Variants in NBEAL1 observed in about 807,000 individuals in gnomAD.
NBEAL1 encodes the protein neurobeachin-like protein 1.
Under a neutral mutation model 351.3 loss-of-function variants are expected in NBEAL1, and 273 were observed. The ratio of observed to expected loss-of-function variants is 0.78; its 90% confidence interval spans 0.70 to 0.86. The LOEUF (loss-of-function observed/expected upper bound fraction) is 0.86. Among genes scored for constraint, NBEAL1 ranks in the 40% least tolerant of loss-of-function variants. NBEAL1 has a pLI of 0.00. For synonymous variants in NBEAL1, 1,050 were observed against 1,086.4 expected (o/e 0.97, Z 0.66); for missense variants, 2,961 against 3,201.3 (o/e 0.92, Z 1.81).
At chr2:203,131,843 C>A in intron 25 of NBEAL1, 130 bp from the exon 26 acceptor site, 1 of 591,544 alleles carries the variant, frequency 1.7e-6, no homozygotes, top group Non-Finnish European at 2.7e-6. Context: ...GCAATACTTA[C>A]TAACATTAAA....
rs1182921967 is a variant in NBEAL1 at position 203,084,508 on chromosome 2, A to G, written c.1037A>G (p.Gln346Arg). 2 of 1,545,170 alleles carry G rather than the reference A, an allele frequency of 1.3e-6. No homozygotes were observed. Residue 346 changes from glutamine (Q) to arginine (R), a missense_variant, in exon 10 of 56, where the codon CAG (glutamine) becomes CGG (arginine). Gln to Arg is a conservative substitution (Grantham distance 43, BLOSUM62 1). Transcript: ENST00000683969. ...GATTGTACAGATAGACCTGTTCTTC[A>G]GGCCATTTTTCTTAACAGCAATTGC... ...MLDCTDRPVL[Q>R]AIFLNSNCFE... is the part of the protein sequence containing the mutation.
intron 38 of NBEAL1, among the ~76,000 whole-genome samples, chr2:203,169,263 G>A (rs1424648193): frequency 6.6e-6 from 1 of 151,904 alleles, no homozygotes; most frequent in Non-Finnish European, 1.5e-5. Flanking sequence ...ATTAATAATT[G>A]TCAGGGAATG....
intron 8 of NBEAL1, among the ~76,000 whole-genome samples, chr2:203,079,790 G>A (rs111644468): frequency 4.0e-4 from 61 of 152,216 alleles, no homozygotes; most frequent in African/African-American, 1.4e-3. Flanking sequence ...TTGGCATTTA[G>A]GAGGAAATCC....
intron 2 of NBEAL1, among the ~76,000 whole-genome samples, chr2:203,025,897 A>G (rs2060848839): frequency 6.6e-6 from 1 of 151,026 alleles, no homozygotes; most frequent in African/African-American, 2.4e-5. Flanking sequence ...TTTTTATCCC[A>G]TCATTTTCCT....
rs1276735945 is a variant in NBEAL1, at chr2:203,218,692, A to G, written c.*1338A>G. ...AATCTTAGAGAAATTTTTCTTTTGCAATTTCGCTTTCCTGTTGACCACAGT... is the reference window on the plus strand; with the variant it reads ...AATCTTAGAGAAATTTTTCTTTTGCGATTTCGCTTTCCTGTTGACCACAGT... On this transcript the variant is annotated 3_prime_UTR_variant, in exon 56 of 56. Transcript: ENST00000683969. 1 of 152,122 alleles carries G rather than the reference A, an allele frequency of 6.6e-6. No homozygotes were observed. Among genetic ancestry groups the G allele is most frequent in the Non-Finnish European group, 1.5e-5 (1 of 67,994 alleles). The allele number at this position is 152,122 out of a possible 1,614,324, so 9.4% of individuals were successfully genotyped here.
chr2:203,108,744 AAGG>A (rs1340928691), intron 14 of NBEAL1, among the ~76,000 whole-genome samples: 1 of 152,168 alleles, frequency 6.6e-6, no homozygotes, highest in African/African-American at 2.4e-5. Flanking sequence ...TGAAAGGAAA[AAGG>A]AGTAATAACC....
chr2:203,182,015 TC>T (rs985309468), intron 43 of NBEAL1: 5 of 152,196 alleles, frequency 3.3e-5, no homozygotes, highest in African/African-American at 1.2e-4. Flanking sequence ...ATACATTGCC[TC>T]TTTGAAATGA....
chr2:203,068,449 C>T lies in NBEAL1; in HGVS notation c.572C>T (p.Thr191Ile). 2 of 1,546,662 alleles carry T rather than the reference C, an allele frequency of 1.3e-6. No individual in the cohort carries two copies. Among genetic ancestry groups the T allele is most frequent in the Non-Finnish European group, 1.7e-6 (2 of 1,143,450 alleles). The part of the protein sequence containing the change: ...SRQKYKPASL[T>I]VEFVPFFYQC... Reference sequence around the variant, plus strand: ...CAGAAATATAAACCAGCTTCTCTCACAGTGGAATTCGTCCCTTTCTTTTAT... The same window carrying T: ...CAGAAATATAAACCAGCTTCTCTCATAGTGGAATTCGTCCCTTTCTTTTAT... Residue 191 changes from threonine to isoleucine, a missense_variant, in exon 7 of 56, where the codon ACA becomes ATA. Thr to Ile is a moderately conservative substitution (Grantham distance 89). Coordinates refer to ENST00000683969, the MANE Select transcript of NBEAL1 (RefSeq NM_001378026.1).
Position 203,174,840 on chromosome 2 carries a change from G to A in NBEAL1, c.6324-307G>A, listed in dbSNP as rs781181083. Among the ~76,000 whole-genome samples, 6 of 150,080 alleles carry A rather than the reference G, an allele frequency of 4.0e-5. No individual in the cohort carries two copies. In the East Asian group the frequency reaches 9.8e-4, roughly 25 times the overall value. On this transcript the variant is annotated intron_variant, in intron 41 of 55. Coordinates refer to ENST00000683969, the MANE Select transcript of NBEAL1 (RefSeq NM_001378026.1). ...CAGGAGGCGGAGCTTGCAGTGAGCC[G>A]AGAGCGAGACTCTGTCTCAAATAAA...
At chr2:203,020,808 G>A (rs967015677) in intron 2 of NBEAL1, among the ~76,000 whole-genome samples, 2 of 152,048 alleles carry the variant, frequency 1.3e-5, no homozygotes, top group Non-Finnish European at 2.9e-5. Context: ...ACATTAATTT[G>A]AACAGGTTTA....
chr2:203,088,404 T>A (rs1311571865), intron 10 of NBEAL1, among the ~76,000 whole-genome samples: 2 of 151,880 alleles, frequency 1.3e-5, no homozygotes, highest in Non-Finnish European at 2.9e-5. Context: ...AAATCAACTA[T>A]CAAATAAACC....
Position 203,040,277 on chromosome 2 carries a change from A to G in NBEAL1, c.52-1488A>G, listed in dbSNP as rs1414574517. ...TTTAAGCGACTGGAATCATTCCTACATGATTCCTGGAGGCAGAAATGTGAC... is the reference window on the plus strand; with the variant it reads ...TTTAAGCGACTGGAATCATTCCTACGTGATTCCTGGAGGCAGAAATGTGAC... On this transcript the variant is annotated intron_variant, in intron 2 of 55. Transcript: ENST00000683969. The G allele has an allele frequency of 3.1e-5, 25 of 803,420 alleles. No individual in the cohort carries two copies. The Admixed American group carries it at 4.4e-4, about 14-fold the overall frequency. The allele number at this position is 803,420 out of a possible 1,614,324, so 49.8% of individuals were successfully genotyped here.
chr2:203,206,876 G>A (rs2065593716), intron 51 of NBEAL1, among the ~76,000 whole-genome samples: 1 of 151,154 alleles, frequency 6.6e-6, no homozygotes, highest in Non-Finnish European at 1.5e-5. Context: ...CTGCCTGGCC[G>A]CCCATCATCT....
chr2:203,186,654 TTTA>T (rs1414589526), intron 44 of NBEAL1, among the ~76,000 whole-genome samples: 1 of 152,144 alleles, frequency 6.6e-6, no homozygotes, highest in East Asian at 1.9e-4. Flanking sequence ...TAAAACTTTG[TTTA>T]CAGGAGTATC....
At chr2:203,114,867 TCAGCCTCCCAAG>T (rs2062654961) in intron 17 of NBEAL1, among the ~76,000 whole-genome samples, 2 of 151,636 alleles carry the variant, frequency 1.3e-5, no homozygotes, top group Admixed American at 1.3e-4. Context: ...TTCTTGTGCT[TCAGCCTCCCAAG>T]TAGCTAGGAT....
chr2:203,188,403 A>G (rs2064973439), intron 44 of NBEAL1, 69 bp from the exon 45 acceptor site: 1 of 827,200 alleles, frequency 1.2e-6, no homozygotes, highest in South Asian at 3.0e-5. Flanking sequence ...TTACTTTTTT[A>G]AAGAACTGAA....
chr2:203,107,929 C>A lies in NBEAL1; in HGVS notation c.1690C>A (p.Leu564Met). The change falls in exon 14 of 56, where the codon CTG becomes ATG. Residue 564 changes from leucine (L) to methionine (M), a missense_variant. Physicochemically the swap from Leu to Met is conservative, Grantham distance 15. Coordinates refer to ENST00000683969, the MANE Select transcript of NBEAL1 (RefSeq NM_001378026.1). The stretch of plus-strand genomic sequence containing the variant: ...AGAAATCCGTCGACTACTGAGATTG[C>A]TGAGAGTGGATGAATCTGAGTCTGT... ...SEEIRRLLRL[L>M]RVDESESVHP... 6.4e-7 allele frequency: 1 copy of A among 1,553,848 alleles called. No homozygotes were observed. The highest frequency in any genetic ancestry group is 2.4e-5 in the East Asian group (1 of 41,508).
intron 2 of NBEAL1, among the ~76,000 whole-genome samples, chr2:203,016,927 T>C (rs1208651375): frequency 6.6e-6 from 1 of 152,184 alleles, no homozygotes; most frequent in East Asian, 1.9e-4. Flanking sequence ...CTCACTACAA[T>C]ACTGTGAGGT....
At position 203,111,968 on chromosome 2, in the gene NBEAL1, C is replaced by T; in HGVS notation, c.2083-11C>T. 6.5e-7 allele frequency: 1 copy of T among 1,543,888 alleles called. No homozygotes were observed. The highest frequency in any genetic ancestry group is 8.7e-7 in the Non-Finnish European group (1 of 1,145,472). On this transcript the variant is annotated splice_polypyrimidine_tract_variant and intron_variant, in intron 15 of 55. Coordinates refer to ENST00000683969, the MANE Select transcript of NBEAL1 (RefSeq NM_001378026.1). ...AATTTTATCCTTTAAATGTGTGTTT[C>T]ACTTTACCAGCACAACATAACTGTT...
Sources: gnomAD v4.1 joint callset for allele counts (sites outside exome capture counted in the v4.1 genomes callset) on GRCh38, gnomAD v4.1.1 for gene constraint, MANE v1.5 for transcripts, NCBI Gene and HGNC (gene_info 2026-07-23, HGNC 2026-07-21) for gene names.